Variants in GAP43 observed in about 807,000 individuals in gnomAD.
GAP43 encodes the protein neuromodulin.
GAP43 carries 6 observed loss-of-function variants against 18.6 expected under a neutral mutation model. The observed-to-expected ratio is 0.32, with a 90% confidence interval of 0.18 to 0.64. The LOEUF (loss-of-function observed/expected upper bound fraction) is 0.64. Among genes scored for constraint, GAP43 ranks in the 30% least tolerant of loss-of-function variants. The pLI is 0.78. For missense variants in GAP43, 292 were observed against 295.5 expected, an observed-to-expected ratio of 0.99 and a Z score of 0.09; for synonymous variants, 115 against 111.4, an observed-to-expected ratio of 1.03 and a Z score of -0.20.
chr3:115,629,305 G>A (rs1056994762), intron 1 of GAP43, among the ~76,000 whole-genome samples: 7 of 151,880 alleles, frequency 4.6e-5, no homozygotes, highest in Admixed American at 2.0e-4. Context: ...AATGCAAATC[G>A]GGTTTTGTTA....
At chr3:115,703,777 A>T (rs283391) in intron 2 of GAP43, among the ~76,000 whole-genome samples, 67,580 of 151,826 alleles carry the variant, frequency 0.45, 15,645 homozygotes, top group African/African-American at 0.56. Context: ...GACTCTATAG[A>T]GCTATCCTCT....
chr3:115,696,196 A>C (rs184456325), intron 2 of GAP43, among the ~76,000 whole-genome samples: 3 of 152,208 alleles, frequency 2.0e-5, no homozygotes, highest in Admixed American at 2.0e-4. Flanking sequence ...CCTCAAATTA[A>C]ATCTCTTGAA....
At chr3:115,696,850 T>TAGAC (rs1483981208) in intron 2 of GAP43, among the ~76,000 whole-genome samples, 1 of 151,270 alleles carries the variant, frequency 6.6e-6, no homozygotes, top group Non-Finnish European at 1.5e-5. Context: ...TGTTTGATTT[T>TAGAC]AGACAGAGTC....
intron 2 of GAP43, among the ~76,000 whole-genome samples, chr3:115,683,334 G>A (rs1708989039): frequency 6.6e-6 from 1 of 152,084 alleles, no homozygotes; most frequent in Non-Finnish European, 1.5e-5. Flanking sequence ...TAGTAGAGAA[G>A]TTTAGATAGA....
chr3:115,647,191 C>T (rs1708467676), intron 1 of GAP43, among the ~76,000 whole-genome samples: 1 of 152,026 alleles, frequency 6.6e-6, no homozygotes, highest in African/African-American at 2.4e-5. Flanking sequence ...CTTGCTTGAC[C>T]CTTCTGCCAT....
At chr3:115,627,104 T>G (rs1341893712) in intron 1 of GAP43, among the ~76,000 whole-genome samples, 1 of 149,594 alleles carries the variant, frequency 6.7e-6, no homozygotes, top group Non-Finnish European at 1.5e-5. Flanking sequence ...GAAAAAATAT[T>G]TGAAGGGCAT....
intron 1 of GAP43, among the ~76,000 whole-genome samples, chr3:115,627,453 G>A (rs1273863117): frequency 1.3e-5 from 2 of 151,910 alleles, no homozygotes; most frequent in Non-Finnish European, 2.9e-5. Context: ...CACCGAGAGG[G>A]AGAGTGGCTT....
intron 2 of GAP43, among the ~76,000 whole-genome samples, chr3:115,702,031 GA>G (rs1709303285): frequency 6.6e-6 from 1 of 152,116 alleles, no homozygotes; most frequent in Admixed American, 6.6e-5. Context: ...GAATCACTGA[GA>G]GAATGTTAAG....
intron 1 of GAP43, among the ~76,000 whole-genome samples, chr3:115,669,994 T>A (rs1708794789): frequency 7.8e-6 from 1 of 127,774 alleles, no homozygotes; most frequent in African/African-American, 2.9e-5. Context: ...AATTTTTTTT[T>A]TAATTTTTTT....
chr3:115,655,083 T>TATGA (rs1708563486), intron 1 of GAP43, among the ~76,000 whole-genome samples: 1 of 152,202 alleles, frequency 6.6e-6, no homozygotes, highest in Non-Finnish European at 1.5e-5. Flanking sequence ...AAGAAATATG[T>TATGA]ATGAGTAGAG....
chr3:115,719,974 T>C (rs1709556564), intron 2 of GAP43, among the ~76,000 whole-genome samples: 1 of 152,204 alleles, frequency 6.6e-6, no homozygotes, highest in Non-Finnish European at 1.5e-5. Flanking sequence ...CATGATATCC[T>C]CCCTGTTAAG....
At position 115,625,596 on chromosome 3, in the gene GAP43, C is replaced by T. The variant is rs115463952; in HGVS notation, c.30+1877C>T. ...TATTCAGGTTCATAATTTGTTCCCA[C>T]CCTATGTGTACATATGCAAGTATAC... On this transcript the variant is annotated intron_variant, in intron 1 of 2. Coordinates refer to ENST00000305124, the MANE Select transcript of GAP43 (RefSeq NM_002045.4). Among the ~76,000 whole-genome samples the T allele has an allele frequency of 7.6e-3, 1,158 of 152,196 alleles. 15 individuals carry two copies. Among genetic ancestry groups the T allele is most frequent in the African/African-American group, 0.026 (1,071 of 41,498 alleles).
chr3:115,663,983 A>G (rs1028594160), intron 1 of GAP43: 7 of 1,468,186 alleles, frequency 4.8e-6, no homozygotes, highest in Non-Finnish European at 5.6e-6. Context: ...GCCACTTACT[A>G]GCTGTATGAC....
chr3:115,658,859 A>T (rs998191899), intron 1 of GAP43: 3 of 152,376 alleles, frequency 2.0e-5, no homozygotes, highest in Non-Finnish European at 4.4e-5. Context: ...CCCAGGGGCG[A>T]TGCGCCGGGC....
At chr3:115,663,402 C>A in intron 1 of GAP43, 1 of 370,104 alleles carries the variant, frequency 2.7e-6, no homozygotes, top group Non-Finnish European at 3.8e-6. Flanking sequence ...GACTCTAGTC[C>A]ATTCATCTGC....
chr3:115,626,234 G>A (rs1708186236), intron 1 of GAP43, among the ~76,000 whole-genome samples: 1 of 152,114 alleles, frequency 6.6e-6, no homozygotes. Context: ...TACTTAACAG[G>A]GAATAAAACA....
intron 2 of GAP43, among the ~76,000 whole-genome samples, chr3:115,691,621 T>C (rs1709111687): frequency 6.6e-6 from 1 of 152,220 alleles, no homozygotes; most frequent in Admixed American, 6.5e-5. Context: ...CCTGATTTTA[T>C]GAAGGAAATT....
chr3:115,699,497 C>A (rs1709270401), intron 2 of GAP43, among the ~76,000 whole-genome samples: 1 of 152,158 alleles, frequency 6.6e-6, no homozygotes, highest in Non-Finnish European at 1.5e-5. Flanking sequence ...AGATGCCTTG[C>A]AATTGAGCTG....
intron 2 of GAP43, among the ~76,000 whole-genome samples, chr3:115,700,131 T>TTA (rs1709278452): frequency 6.6e-6 from 1 of 152,152 alleles, no homozygotes; most frequent in Non-Finnish European, 1.5e-5. Context: ...AGCCTTAGTG[T>TTA]TCTGTTAATA....
Sources: allele counts gnomAD v4.1 joint callset (sites outside exome capture counted in the v4.1 genomes callset), GRCh38; gene constraint gnomAD v4.1.1; transcripts MANE v1.5; gene names NCBI Gene and HGNC (gene_info 2026-07-23, HGNC 2026-07-21).